SNTG2: variants seen among roughly 807,000 people sequenced by gnomAD.
The protein encoded by SNTG2 is gamma-2-syntrophin.
A neutral mutation model predicts 70.9 loss-of-function variants in SNTG2; 74 were observed. The ratio of observed to expected loss-of-function variants is 1.04; its 90% CI spans 0.86 to 1.27. The LOEUF (loss-of-function observed/expected upper bound fraction) is 1.27, where lower values mean the gene tolerates loss of function less well. Ranked by LOEUF, SNTG2 falls within the 50% of genes most tolerant of loss-of-function variation. The probability of loss-of-function intolerance (pLI) is 0.00; values close to 1 mark genes in which losing one functional copy is unlikely to be tolerated. For synonymous variants in SNTG2, 278 were observed against 273.8 expected (o/e 1.02, Z -0.15); for missense variants, 717 against 690.7 (o/e 1.04, Z -0.43).
chr2:1,057,709 C>T (rs1424251184), intron 1 of SNTG2, among the ~76,000 whole-genome samples: 1 of 152,186 alleles, frequency 6.6e-6, no homozygotes, highest in Non-Finnish European at 1.5e-5. Context: ...CAGTACTTTG[C>T]ATCCTTCAGT....
intron 8 of SNTG2, among the ~76,000 whole-genome samples, chr2:1,189,836 C>T (rs1222644503): frequency 3.9e-5 from 6 of 152,056 alleles, no homozygotes; most frequent in South Asian, 2.1e-4. Flanking sequence ...CGTGAGCCAC[C>T]GTGCCCGGCC....
intron 12 of SNTG2, among the ~76,000 whole-genome samples, chr2:1,253,245 G>C (rs1017238617): frequency 5.3e-5 from 8 of 151,970 alleles, no homozygotes; most frequent in African/African-American, 1.9e-4. Context: ...CACAGAAGGA[G>C]AGACTCCCCC....
chr2:1,195,852 A>G (rs1403624258), intron 8 of SNTG2, among the ~76,000 whole-genome samples: 2 of 152,162 alleles, frequency 1.3e-5, no homozygotes, highest in African/African-American at 2.4e-5. Context: ...GTTATTAAAG[A>G]TTAACTATTT....
At chr2:1,100,035 T>G (rs575039776) in intron 4 of SNTG2, among the ~76,000 whole-genome samples, 1 of 152,256 alleles carries the variant, frequency 6.6e-6, no homozygotes, top group South Asian at 2.1e-4. Flanking sequence ...CAGGTGCTGT[T>G]CAGAAGGAAA....
intron 6 of SNTG2, among the ~76,000 whole-genome samples, chr2:1,138,984 G>A (rs1275443097): frequency 6.6e-6 from 1 of 152,196 alleles, no homozygotes; most frequent in African/African-American, 2.4e-5. Context: ...CTTCATTCAA[G>A]ATGTGTAGTT....
chr2:1,083,121 A>G (rs1181433739), intron 1 of SNTG2, among the ~76,000 whole-genome samples: 2 of 152,040 alleles, frequency 1.3e-5, no homozygotes, highest in Non-Finnish European at 2.9e-5. Context: ...ACCTTCACAC[A>G]GATATTTTAT....
intron 4 of SNTG2, among the ~76,000 whole-genome samples, chr2:1,103,202 C>G (rs1218550926): frequency 6.6e-6 from 1 of 151,936 alleles, no homozygotes; most frequent in East Asian, 1.9e-4. Flanking sequence ...TTGTTTAATA[C>G]CTAGTGAGAT....
chr2:1,200,752 A>G (rs900030991), intron 8 of SNTG2, among the ~76,000 whole-genome samples: 2 of 152,034 alleles, frequency 1.3e-5, no homozygotes, highest in African/African-American at 4.8e-5. Context: ...CATATGGCCT[A>G]TAGGCCAACA....
chr2:1,333,459 A>T (rs1659638492), intron 16 of SNTG2, among the ~76,000 whole-genome samples: 1 of 152,208 alleles, frequency 6.6e-6, no homozygotes, highest in Admixed American at 6.5e-5. Flanking sequence ...ATTTATGTGG[A>T]ACCAAAAAGG....
Position 1,051,698 on chromosome 2 carries a change from G to C in SNTG2, c.73-31820G>C, listed in dbSNP as rs538265569. On this transcript the variant is annotated intron_variant, in intron 1 of 16. Coordinates refer to ENST00000308624, the MANE Select transcript of SNTG2 (RefSeq NM_018968.4). ...CCATGTTGTGAACTATCATTGGAGA[G>C]GCCCACGTGGCAAAACACTAAAGCC... Among the ~76,000 whole-genome samples, 6 of 152,298 alleles carry C rather than the reference G, an allele frequency of 3.9e-5. No homozygotes were observed. The East Asian group carries it at 1.2e-3, about 29-fold the overall frequency.
chr2:1,294,002 G>C (rs376974522), intron 14 of SNTG2, among the ~76,000 whole-genome samples: 1 of 152,184 alleles, frequency 6.6e-6, no homozygotes, highest in South Asian at 2.1e-4. Flanking sequence ...CAAGTCAGAC[G>C]GTGCCACATG....
At chr2:1,155,099 T>C (rs1041705379) in intron 6 of SNTG2, among the ~76,000 whole-genome samples, 36 of 137,808 alleles carry the variant, frequency 2.6e-4, no homozygotes, top group African/African-American at 1.0e-3. Context: ...ACATTAAACA[T>C]ACACACATAA....
intron 6 of SNTG2, among the ~76,000 whole-genome samples, chr2:1,154,224 A>T (rs918199504): frequency 1.3e-5 from 2 of 152,048 alleles, no homozygotes; most frequent in African/African-American, 4.8e-5. Flanking sequence ...GGAGGCTGAC[A>T]TTAGGGACCA....
intron 14 of SNTG2, among the ~76,000 whole-genome samples, chr2:1,284,413 C>T (rs1679685979): frequency 6.6e-6 from 1 of 152,210 alleles, no homozygotes; most frequent in South Asian, 2.1e-4. Context: ...CAGCATTTTT[C>T]TGGGATGCGA....
At chr2:1,260,468 G>C (rs1678357548) in intron 13 of SNTG2, among the ~76,000 whole-genome samples, 1 of 152,126 alleles carries the variant, frequency 6.6e-6, no homozygotes, top group African/African-American at 2.4e-5. Flanking sequence ...GAAGGAAAAG[G>C]CCGGATGTAT....
At chr2:987,879 C>T (rs1661374679) in intron 1 of SNTG2, among the ~76,000 whole-genome samples, 1 of 152,146 alleles carries the variant, frequency 6.6e-6, no homozygotes, top group Non-Finnish European at 1.5e-5. Context: ...CCTTGCCCAT[C>T]ACCAGCGCTC....
chr2:1,186,890 TCTA>T (rs1672285910), intron 8 of SNTG2, among the ~76,000 whole-genome samples: 1 of 152,162 alleles, frequency 6.6e-6, no homozygotes, highest in African/African-American at 2.4e-5. Flanking sequence ...ATCAAGTGAC[TCTA>T]CTAGATATTA....
intron 1 of SNTG2, among the ~76,000 whole-genome samples, chr2:996,929 G>T (rs1013104557): frequency 6.6e-6 from 1 of 151,870 alleles, no homozygotes; most frequent in Non-Finnish European, 1.5e-5. Context: ...AGATGCCTAA[G>T]GTTGTCAAGT....
chr2:993,336 T>C (rs1661568306), intron 1 of SNTG2, among the ~76,000 whole-genome samples: 1 of 151,670 alleles, frequency 6.6e-6, no homozygotes, highest in Non-Finnish European at 1.5e-5. Flanking sequence ...CCATGCACAT[T>C]ATAGTATTAG....
Sources: gnomAD v4.1 joint callset for allele counts (sites outside exome capture counted in the v4.1 genomes callset) on GRCh38, gnomAD v4.1.1 for gene constraint, MANE v1.5 for transcripts, NCBI Gene and HGNC (gene_info 2026-07-23, HGNC 2026-07-21) for gene names.